The following RIMBP2 variants were observed in gnomAD, a reference collection of about 807,000 sequenced individuals.
RIMBP2 encodes RIMS-binding protein 2.
Under a neutral mutation model 118.6 loss-of-function variants are expected in RIMBP2, and 48 were observed. The observed-to-expected ratio is 0.40, with a 90% CI of 0.32 to 0.51. The LOEUF (loss-of-function observed/expected upper bound fraction) is 0.51. RIMBP2 is among the 20% of genes least tolerant of loss of function. RIMBP2 has a pLI of 0.41. For synonymous variants in RIMBP2, 762 were observed against 742.9 expected, an observed-to-expected ratio of 1.03 and a Z score of -0.42; for missense variants, 1,551 against 1,768.3, an observed-to-expected ratio of 0.88 and a Z score of 2.20.
At position 130,604,846 on chromosome 12, in the gene RIMBP2, T is replaced by G. The variant is rs1351350675; in HGVS notation, c.-217+23476A>C. Among the ~76,000 whole-genome samples the G allele has an allele frequency of 1.9e-4, 29 of 149,088 alleles. No individual in the cohort carries two copies. The Admixed American group carries it at 2.0e-3, about 10-fold the overall frequency. ...ACCCGCCCACCTCGGCCTCCCAAAGTGCTGGGATTACAGGCGTGAGCCACC... is the reference window on the plus strand; with the variant it reads ...ACCCGCCCACCTCGGCCTCCCAAAGGGCTGGGATTACAGGCGTGAGCCACC... On this transcript the variant is annotated intron_variant, in intron 2 of 22. Transcript: ENST00000690449.
chr12:130,431,175 ATTCG>A lies in RIMBP2; in HGVS notation c.2254-2842_2254-2839del, dbSNP rs2077125243. Among the ~76,000 whole-genome samples the A allele has an allele frequency of 6.6e-6, 1 of 152,178 alleles. No homozygotes were observed. The highest frequency in any genetic ancestry group is 1.5e-5 in the Non-Finnish European group (1 of 68,020). On this transcript the variant is annotated intron_variant, in intron 14 of 22. Transcript: ENST00000690449. This position sits in a 1 kb window ranked among gnomAD's most constrained non-coding sequence, Gnocchi z 4.0. ...TCAGCCTCCCTTCTTTCATTCATTC[ATTCG>A]ACAAACATTCATTGAGCACCTACTA...
At chr12:130,453,205 T>G (rs2079140503) in intron 7 of RIMBP2, among the ~76,000 whole-genome samples, 1 of 152,186 alleles carries the variant, frequency 6.6e-6, no homozygotes, top group South Asian at 2.1e-4. Flanking sequence ...CCGGGGACAG[T>G]GTGGCCCATG....
intron 1 of RIMBP2, among the ~76,000 whole-genome samples, chr12:130,659,833 G>T (rs1316974269): frequency 6.6e-6 from 1 of 151,862 alleles, no homozygotes; most frequent in Non-Finnish European, 1.5e-5. Context: ...AATTAGCCAG[G>T]CATGGTGGCA....
At chr12:130,489,493 G>A (rs578251534) in intron 4 of RIMBP2, among the ~76,000 whole-genome samples, 8 of 152,188 alleles carry the variant, frequency 5.3e-5, no homozygotes, top group East Asian at 1.9e-4. Context: ...AGGCAGCATC[G>A]GCGGGAGGGA....
intron 1 of RIMBP2, among the ~76,000 whole-genome samples, chr12:130,673,471 C>T (rs895320715): frequency 6.6e-6 from 1 of 152,310 alleles, no homozygotes; most frequent in Non-Finnish European, 1.5e-5. Flanking sequence ...AATCAATCCC[C>T]ATGGCCCACC....
intron 1 of RIMBP2, among the ~76,000 whole-genome samples, chr12:130,708,099 C>T (rs1232638328): frequency 6.6e-6 from 1 of 152,104 alleles, no homozygotes; most frequent in African/African-American, 2.4e-5. Context: ...ACGGGTGAAC[C>T]TTGAGGATGC....
At chr12:130,432,141 C>A (rs1203286659) in intron 14 of RIMBP2, 5 of 443,970 alleles carry the variant, frequency 1.1e-5, no homozygotes, top group Non-Finnish European at 2.3e-5. Flanking sequence ...GGTTTGTAAT[C>A]TGAGCAGATT....
intron 21 of RIMBP2, among the ~76,000 whole-genome samples, chr12:130,403,012 AGT>A (rs1467786911): frequency 1.3e-5 from 2 of 152,238 alleles, no homozygotes; most frequent in African/African-American, 4.8e-5. Flanking sequence ...GGACAGCAGG[AGT>A]CCCTCGGGGG....
At chr12:130,653,053 CT>C (rs1317858441) in intron 1 of RIMBP2, among the ~76,000 whole-genome samples, 1 of 152,204 alleles carries the variant, frequency 6.6e-6, no homozygotes, top group African/African-American at 2.4e-5. Flanking sequence ...CATTCTGCCC[CT>C]GGTCCCCCAA....
At chr12:130,484,673 C>T (rs1293832303) in intron 4 of RIMBP2, among the ~76,000 whole-genome samples, 4 of 152,232 alleles carry the variant, frequency 2.6e-5, no homozygotes, top group Non-Finnish European at 5.9e-5. Flanking sequence ...CCCCACCACC[C>T]CCTTCTCCAG....
At chr12:130,588,528 C>T (rs533579218) in intron 2 of RIMBP2, among the ~76,000 whole-genome samples, 1 of 152,254 alleles carries the variant, frequency 6.6e-6, no homozygotes, top group South Asian at 2.1e-4. Flanking sequence ...TCACCCAAGA[C>T]CTATTCTTTC....
At chr12:130,439,389 G>T (rs1004309099) in intron 11 of RIMBP2, among the ~76,000 whole-genome samples, 11 of 150,970 alleles carry the variant, frequency 7.3e-5, no homozygotes, top group African/African-American at 2.2e-4. Context: ...GTGTGTATGT[G>T]GATGCATGTG....
chr12:130,493,831 C>A (rs1388460894), intron 4 of RIMBP2, among the ~76,000 whole-genome samples: 1 of 152,184 alleles, frequency 6.6e-6, no homozygotes, highest in Non-Finnish European at 1.5e-5. Flanking sequence ...CATTTATGTA[C>A]ATGAAAGAGT....
chr12:130,441,015 T>C (rs1230835684), intron 11 of RIMBP2, among the ~76,000 whole-genome samples: 1 of 152,144 alleles, frequency 6.6e-6, no homozygotes, highest in African/African-American at 2.4e-5. Context: ...AGGGGGCACA[T>C]CACACTCCCT....
intron 1 of RIMBP2, among the ~76,000 whole-genome samples, chr12:130,639,174 G>A (rs2062489451): frequency 6.7e-6 from 1 of 148,526 alleles, no homozygotes; most frequent in East Asian, 2.0e-4. Context: ...GATCACCTGA[G>A]GTCAGGAGTT....
intron 1 of RIMBP2, among the ~76,000 whole-genome samples, chr12:130,663,125 G>A (rs773518938): frequency 1.3e-5 from 2 of 152,168 alleles, no homozygotes; most frequent in African/African-American, 4.8e-5. Context: ...AGGAGGGGCC[G>A]GCTGGGTTAT....
intron 5 of RIMBP2, among the ~76,000 whole-genome samples, chr12:130,476,517 G>T (rs940300809): frequency 9.9e-5 from 15 of 152,114 alleles, no homozygotes; most frequent in African/African-American, 3.1e-4. Context: ...TTCAACCCCT[G>T]TTCCCTCCCT....
chr12:130,466,226 CA>C (rs2080468174), intron 6 of RIMBP2: 1 of 152,278 alleles, frequency 6.6e-6, no homozygotes, highest in African/African-American at 2.4e-5. Context: ...CGCTAAGTGC[CA>C]AAGGAATTAT....
chr12:130,663,437 C>G lies in RIMBP2; in HGVS notation c.-351-34981G>C, dbSNP rs2063743906. Among the ~76,000 whole-genome samples the G allele has an allele frequency of 2.0e-5, 3 of 148,134 alleles. No homozygotes were observed. The South Asian group carries it at 6.2e-4, about 31-fold the overall frequency. ...AGCAGCAGACAGAAAGCTTTTATTTCTTAAAATTGCCTTTTTTTCCACTGA... is the reference window on the plus strand; with the variant it reads ...AGCAGCAGACAGAAAGCTTTTATTTGTTAAAATTGCCTTTTTTTCCACTGA... On this transcript the variant is annotated intron_variant, in intron 1 of 22. Coordinates refer to ENST00000690449, the MANE Select transcript of RIMBP2 (RefSeq NM_001393629.1).
Sources: allele counts gnomAD v4.1 joint callset (sites outside exome capture counted in the v4.1 genomes callset), GRCh38; gene constraint gnomAD v4.1.1; non-coding constraint Gnocchi (gnomAD v3.1); transcripts MANE v1.5; gene names NCBI Gene and HGNC (gene_info 2026-07-23, HGNC 2026-07-21).